The following TRAPPC9 variants were observed in gnomAD, a reference collection of about 807,000 sequenced individuals.
The protein encoded by TRAPPC9 is trafficking protein particle complex subunit 9.
Under a neutral mutation model 124.0 loss-of-function variants are expected in TRAPPC9, and 83 were observed. The ratio of observed to expected loss-of-function variants is 0.67; its 90% CI spans 0.56 to 0.80. TRAPPC9 has a LOEUF of 0.80. Ranked by LOEUF, TRAPPC9 falls within the 30% of genes least tolerant of loss-of-function variation. TRAPPC9 has a pLI of 0.00. For synonymous variants in TRAPPC9, 638 were observed against 617.5 expected, an observed-to-expected ratio of 1.03 and a Z score of -0.49; for missense variants, 1,302 against 1,508.3, an observed-to-expected ratio of 0.86 and a Z score of 2.27.
chr8:140,314,892 C>T (rs897555976), intron 9 of TRAPPC9, among the ~76,000 whole-genome samples: 2 of 152,220 alleles, frequency 1.3e-5, no homozygotes, highest in Non-Finnish European at 2.9e-5. Context: ...AACAGTGCTG[C>T]AATAAATGCA....
intron 21 of TRAPPC9, among the ~76,000 whole-genome samples, chr8:139,785,593 G>A (rs1471046571): frequency 6.6e-6 from 1 of 151,306 alleles, no homozygotes; most frequent in African/African-American, 2.4e-5. Context: ...GCTGGGTGTG[G>A]TGGCGGGCAC....
intron 20 of TRAPPC9, among the ~76,000 whole-genome samples, chr8:139,898,735 T>G (rs570888180): frequency 9.9e-5 from 15 of 152,272 alleles, no homozygotes; most frequent in African/African-American, 3.6e-4. Flanking sequence ...AAGTTGCATA[T>G]GTCATACCCC....
intron 16 of TRAPPC9, among the ~76,000 whole-genome samples, chr8:140,245,925 T>C (rs889257291): frequency 6.6e-6 from 1 of 152,238 alleles, no homozygotes; most frequent in African/African-American, 2.4e-5. Context: ...GGCAAAATGA[T>C]GATATCCGAA....
At chr8:140,023,820 G>T in intron 18 of TRAPPC9, 117 bp downstream of exon 18, 1 of 1,485,348 alleles carries the variant, frequency 6.7e-7, no homozygotes, top group Non-Finnish European at 9.4e-7. Flanking sequence ...TCAGCAACTT[G>T]GCCCCATGGC....
chr8:140,039,799 A>C (rs550507389), intron 17 of TRAPPC9: 2 of 152,322 alleles, frequency 1.3e-5, no homozygotes, highest in South Asian at 4.1e-4. Context: ...TGAGGCACCT[A>C]ATCACCAGGG....
chr8:139,857,371 C>T (rs1265183723), intron 21 of TRAPPC9, among the ~76,000 whole-genome samples: 1 of 152,192 alleles, frequency 6.6e-6, no homozygotes, highest in African/African-American at 2.4e-5. Flanking sequence ...CCAGTGTGCT[C>T]GCTGACAATC....
intron 21 of TRAPPC9, among the ~76,000 whole-genome samples, chr8:139,865,487 G>A (rs1261362945): frequency 3.9e-5 from 6 of 152,220 alleles, no homozygotes; most frequent in Non-Finnish European, 8.8e-5. Flanking sequence ...GAGTGAGAAA[G>A]AGCCACCCCT....
chr8:140,396,038 G>A (rs368673686), intron 7 of TRAPPC9, among the ~76,000 whole-genome samples: 1 of 151,696 alleles, frequency 6.6e-6, no homozygotes, highest in Non-Finnish European at 1.5e-5. Flanking sequence ...AGCACTGCTC[G>A]CCTGGGCTCC....
intron 21 of TRAPPC9, among the ~76,000 whole-genome samples, chr8:139,790,112 A>G (rs1822551948): frequency 6.6e-6 from 1 of 152,198 alleles, no homozygotes; most frequent in Non-Finnish European, 1.5e-5. Context: ...CTCGCAGCAC[A>G]ATCTCTACAT....
intron 1 of TRAPPC9, among the ~76,000 whole-genome samples, chr8:140,453,483 AGAG>A (rs2071541555): frequency 1.7e-5 from 1 of 58,030 alleles, no homozygotes; most frequent in Admixed American, 1.5e-4. Flanking sequence ...ACCTGCACGG[AGAG>A]GAGGAGGACT....
chr8:139,860,637 C>T (rs559319662), intron 21 of TRAPPC9, among the ~76,000 whole-genome samples: 1 of 152,310 alleles, frequency 6.6e-6, no homozygotes, highest in South Asian at 2.1e-4. Context: ...TTCAGCACTT[C>T]CCCCCAGCTC....
In TRAPPC9 at chr8:139,984,114, G is replaced by A. The variant is rs1159600650; in HGVS notation, c.2810+4612C>T. Among the ~76,000 whole-genome samples, 2 of 152,130 alleles carry A rather than the reference G, an allele frequency of 1.3e-5. No individual in the cohort carries two copies. The highest frequency in any genetic ancestry group is 6.5e-5 in the Admixed American group (1 of 15,282). ...CTTCCTACTAGGAGGGAGGAGAGGC[G>A]GCAGGCACCACAATTATCTAACTGG... On this transcript the variant is annotated intron_variant, in intron 19 of 22. Coordinates refer to ENST00000438773, the MANE Select transcript of TRAPPC9 (RefSeq NM_001160372.4). This position sits in a 1 kb window ranked among gnomAD's most constrained non-coding sequence, Gnocchi z 4.3.
rs887983325 is a variant in TRAPPC9 at position 139,825,929 on chromosome 8, G to A, written c.3055+59950C>T. Among the ~76,000 whole-genome samples the A allele has an allele frequency of 7.9e-5, 12 of 152,160 alleles. No individual in the cohort carries two copies. The highest frequency in any genetic ancestry group is 2.7e-4 in the African/African-American group (11 of 41,442). ...GCTCTGGTGGGGAGAGGTGAGCATC[G>A]GATATAACCCGCCCGTGGAACAGGC... On this transcript the variant is annotated intron_variant, in intron 21 of 22. Coordinates refer to ENST00000438773, the MANE Select transcript of TRAPPC9 (RefSeq NM_001160372.4). The surrounding 1 kb of genome is among the most constrained non-coding windows in gnomAD (Gnocchi z 4.6).
At chr8:139,864,140 G>A (rs1464182647) in intron 21 of TRAPPC9, among the ~76,000 whole-genome samples, 1 of 152,144 alleles carries the variant, frequency 6.6e-6, no homozygotes, top group African/African-American at 2.4e-5. Context: ...CTGGCGCCCA[G>A]GACTCTTTCC....
At chr8:140,046,986 C>T (rs546369846) in intron 17 of TRAPPC9, among the ~76,000 whole-genome samples, 10 of 152,312 alleles carry the variant, frequency 6.6e-5, no homozygotes, top group Non-Finnish European at 1.3e-4. Flanking sequence ...GAAAGGTTCC[C>T]GTGGCACCTA....
intron 17 of TRAPPC9, among the ~76,000 whole-genome samples, chr8:140,037,073 T>TA (rs1388955806): frequency 5.9e-5 from 9 of 151,894 alleles, no homozygotes; most frequent in Admixed American, 6.6e-5. Flanking sequence ...CTCTTGCTAA[T>TA]AAACACTTGT....
intron 19 of TRAPPC9, among the ~76,000 whole-genome samples, chr8:139,963,230 T>C (rs1343311165): frequency 6.6e-6 from 1 of 152,128 alleles, no homozygotes; most frequent in Non-Finnish European, 1.5e-5. Context: ...CCCACCCCAG[T>C]GGCTCTCATG....
At chr8:140,137,245 T>A (rs2061319030) in intron 17 of TRAPPC9, among the ~76,000 whole-genome samples, 1 of 152,184 alleles carries the variant, frequency 6.6e-6, no homozygotes, top group Non-Finnish European at 1.5e-5. Flanking sequence ...CACTCAAGTC[T>A]TCCTGGGAGT....
chr8:140,225,805 C>T (rs936694270), intron 16 of TRAPPC9, among the ~76,000 whole-genome samples: 2 of 152,110 alleles, frequency 1.3e-5, no homozygotes, highest in Admixed American at 6.5e-5. Context: ...GTATCTCCAC[C>T]CCTCTCTCTG....
Sources: allele counts gnomAD v4.1 joint callset (sites outside exome capture counted in the v4.1 genomes callset), GRCh38; gene constraint gnomAD v4.1.1; non-coding constraint Gnocchi (gnomAD v3.1); transcripts MANE v1.5; gene names NCBI Gene and HGNC (gene_info 2026-07-23, HGNC 2026-07-21).